The following OS9 variants were observed in gnomAD, a reference collection of about 807,000 sequenced individuals.
OS9 encodes the protein OS9 endoplasmic reticulum lectin, also known as protein OS-9.
In OS9, 58 loss-of-function variants were observed where a neutral mutation model predicts 84.7. The observed-to-expected ratio is 0.68, with a 90% confidence interval of 0.55 to 0.85. The LOEUF (loss-of-function observed/expected upper bound fraction) is 0.85, where lower values mean the gene tolerates loss of function less well. OS9 is among the 40% of genes least tolerant of loss of function. OS9 has a pLI of 0.00. For missense variants in OS9, 760 were observed against 850.9 expected, an observed-to-expected ratio of 0.89 and a Z score of 1.33; for synonymous variants, 278 against 320.8, an observed-to-expected ratio of 0.87 and a Z score of 1.43.
chr12:57,700,052 A>G (rs10783843), intron 5 of OS9, among the ~76,000 whole-genome samples: 91,976 of 151,766 alleles, frequency 0.61, 28,501 homozygotes, highest in Middle Eastern at 0.7. Flanking sequence ...CTGATATCGC[A>G]CCATTGCACT....
In OS9 at chr12:57,703,832, C is replaced by T. The variant is rs116162364; in HGVS notation, c.579+7459C>T. ...TTTTTCATTCCTAATCACTCTAAAA[C>T]TTCCAGTATTATGTTGAATAGAAAT... is the stretch of plus-strand genomic sequence containing the variant. On this transcript the variant is annotated intron_variant, in intron 5 of 14. Coordinates refer to ENST00000315970, the MANE Select transcript of OS9 (RefSeq NM_006812.4). 2.6e-3 allele frequency among the ~76,000 whole-genome samples: 389 copies of T among 152,094 alleles called. 1 individual carries two copies. Among genetic ancestry groups the T allele is most frequent in the African/African-American group, 9.0e-3 (374 of 41,492 alleles).
Position 57,720,951 on chromosome 12 carries a change from C to T in OS9, c.*42C>T. 1 of 1,611,912 alleles carries T rather than the reference C, an allele frequency of 6.2e-7. No homozygotes were observed. Among genetic ancestry groups the T allele is most frequent in the African/African-American group, 1.3e-5 (1 of 75,006 alleles). On this transcript the variant is annotated 3_prime_UTR_variant, in exon 15 of 15. Transcript: ENST00000315970. ...GACCCTTCACGGAATCCAGACTCTT[C>T]CTGGACTGGCTTGCCTCCTCCCCAC...
chr12:57,694,939 G>A lies in OS9; in HGVS notation c.339+13G>A, dbSNP rs1953781832. The A allele has an allele frequency of 6.2e-7, 1 of 1,612,548 alleles. No homozygotes were observed. The highest frequency in any genetic ancestry group is 8.5e-7 in the Non-Finnish European group (1 of 1,178,638). The stretch of plus-strand genomic sequence containing the variant: ...CTGCTTGCTGAAGGTGAAAGGGACT[G>A]GGTTAGATAGAATGAGGGCTTGGAA... On this transcript the variant is annotated intron_variant, in intron 2 of 14. Transcript: ENST00000315970.
intron 5 of OS9, among the ~76,000 whole-genome samples, chr12:57,700,926 CA>C (rs201592970): frequency 1.5e-4 from 23 of 150,394 alleles, no homozygotes; most frequent in African/African-American, 2.9e-4. Flanking sequence ...TACAATTATA[CA>C]AAAAAAAATG....
chr12:57,717,842 G>C, intron 9 of OS9, 28 bp from the exon 10 acceptor site: 1 of 1,216,716 alleles, frequency 8.2e-7, no homozygotes. Context: ...AACAGAACAG[G>C]TTCATGATTA....
At chr12:57,704,479 G>A (rs1483322459) in intron 5 of OS9, among the ~76,000 whole-genome samples, 1 of 151,936 alleles carries the variant, frequency 6.6e-6, no homozygotes, top group Non-Finnish European at 1.5e-5. Flanking sequence ...GGAGGTTGCA[G>A]CAAACCAAGA....
intron 8 of OS9, 43 bp from the exon 9 acceptor site, chr12:57,716,650 G>A (rs1954507820): frequency 6.3e-7 from 1 of 1,599,450 alleles, no homozygotes; most frequent in Admixed American, 1.7e-5. Flanking sequence ...TGGAGGGCAT[G>A]AACAGGCTTT....
intron 12 of OS9, 116 bp downstream of exon 12, chr12:57,719,298 A>G: frequency 2.5e-6 from 2 of 785,162 alleles, no homozygotes; most frequent in Non-Finnish European, 2.1e-6. Flanking sequence ...TTCTCTCCCC[A>G]CTTTCTGGAA....
intron 5 of OS9, among the ~76,000 whole-genome samples, chr12:57,713,082 T>G (rs1049429193): frequency 6.6e-6 from 1 of 152,238 alleles, no homozygotes; most frequent in Non-Finnish European, 1.5e-5. Flanking sequence ...AGGACGGCTC[T>G]CAGTTGCCCT....
intron 14 of OS9, 78 bp from the exon 15 acceptor site, chr12:57,720,706 T>A: frequency 6.5e-7 from 1 of 1,528,032 alleles, no homozygotes; most frequent in Non-Finnish European, 8.8e-7. Flanking sequence ...TTCCCTGCCT[T>A]CCCCCAGCTG....
intron 5 of OS9, among the ~76,000 whole-genome samples, chr12:57,704,817 T>C (rs1253447112): frequency 2.6e-5 from 4 of 152,222 alleles, no homozygotes; most frequent in Non-Finnish European, 5.9e-5. Flanking sequence ...CTTATGTCTT[T>C]TATTTAATCC....
intron 1 of OS9, 45 bp from the exon 2 acceptor site, chr12:57,694,705 G>T: frequency 6.3e-7 from 1 of 1,595,184 alleles, no homozygotes; most frequent in Non-Finnish European, 8.6e-7. Flanking sequence ...CCTGATCCCA[G>T]CCTTTCTTTG....
In OS9 at chr12:57,717,918, T is replaced by TGATTC; in HGVS notation, c.1100_1104dup (p.Ile369AspfsTer3). On this transcript the variant is annotated frameshift_variant, in exon 10 of 15. Coordinates refer to ENST00000315970, the MANE Select transcript of OS9 (RefSeq NM_006812.4). LOFTEE classifies it high-confidence loss of function. ...AAAGTCATTCGAAGCCCTGCGGATT[T>TGATTC]GATTCGATTCATAGAGGAGCTGAAA... 6.2e-7 allele frequency: 1 copy of TGATTC among 1,613,016 alleles called. No homozygotes were observed. The highest frequency in any genetic ancestry group is 8.5e-7 in the Non-Finnish European group (1 of 1,179,620).
At chr12:57,715,278 G>A (rs961197516) in intron 5 of OS9, among the ~76,000 whole-genome samples, 7 of 152,122 alleles carry the variant, frequency 4.6e-5, no homozygotes, top group South Asian at 4.2e-4. Context: ...CCGGAGAATC[G>A]CTTGAACCCA....
At position 57,694,287 on chromosome 12, in the gene OS9, G is replaced by A; in HGVS notation, c.126G>A (p.Gly42=). ...AGGAGCTGAGTGAGATGCGTTATGGGATCGAGATCCTGCCGTTGCCTGTCA... is the reference window on the plus strand; with the variant it reads ...AGGAGCTGAGTGAGATGCGTTATGGAATCGAGATCCTGCCGTTGCCTGTCA... ...NLEELSEMRY[G]IEILPLPVMG... The change falls in exon 1 of 15, where the codon GGG becomes GGA. Residue 42 remains glycine (G), a synonymous_variant. Transcript: ENST00000315970. 3 of 1,614,182 alleles carry A rather than the reference G, an allele frequency of 1.9e-6. No individual in the cohort carries two copies. The highest frequency in any genetic ancestry group is 2.5e-6 in the Non-Finnish European group (3 of 1,180,034).
chr12:57,714,875 G>C (rs1159723226), intron 5 of OS9, among the ~76,000 whole-genome samples: 1 of 152,150 alleles, frequency 6.6e-6, no homozygotes, highest in Non-Finnish European at 1.5e-5. Flanking sequence ...GGGATTACAG[G>C]TGTGAACCAC....
At position 57,720,452 on chromosome 12, in the gene OS9, A is replaced by T. The variant is rs778545617; in HGVS notation, c.1812A>T (p.Glu604Asp). ...TCCGCCCATGGGCTGAAGGGACTGA[A>T]GAGGGTGCACGTTGGCTGACTGATG... ...KIVRPWAEGT[E>D]EGARWLTDED... Residue 604 changes from glutamate to aspartate, a missense_variant, in exon 14 of 15, where the codon GAA (glutamate) becomes GAT (aspartate). Physicochemically the swap from Glu to Asp is conservative, Grantham distance 45. Coordinates refer to ENST00000315970, the MANE Select transcript of OS9 (RefSeq NM_006812.4). 9 of 1,614,120 alleles carry T rather than the reference A, an allele frequency of 5.6e-6. No individual in the cohort carries two copies. The highest frequency in any genetic ancestry group is 6.8e-6 in the Non-Finnish European group (8 of 1,179,914).
intron 8 of OS9, 74 bp downstream of exon 8, chr12:57,716,586 C>T (rs1195603360): frequency 6.7e-6 from 10 of 1,490,084 alleles, no homozygotes; most frequent in Non-Finnish European, 9.3e-6. Flanking sequence ...TGTGAGGTGA[C>T]CTACATCTAC....
In OS9 at chr12:57,720,513, A is replaced by G; in HGVS notation, c.1873A>G (p.Ile625Val). The change falls in exon 14 of 15, where the codon ATC becomes GTC. Residue 625 changes from isoleucine to valine, a missense_variant. Transcript: ENST00000315970. ...TRNLKEIFFN[I>V]LVPGAEEAQK... ...AAACCTCAAGGAGATCTTCTTCAAT[A>G]TCTTGGTAAGAGGCTTCTACCCCCG... The G allele has an allele frequency of 6.2e-7, 1 of 1,607,234 alleles. No homozygotes were observed. Among genetic ancestry groups the G allele is most frequent in the African/African-American group, 1.3e-5 (1 of 74,902 alleles).
Sources: allele counts gnomAD v4.1 joint callset (sites outside exome capture counted in the v4.1 genomes callset), GRCh38; gene constraint gnomAD v4.1.1; transcripts MANE v1.5; gene names NCBI Gene and HGNC (gene_info 2026-07-23, HGNC 2026-07-21).